Variants in CAMTA1 observed in about 807,000 individuals in gnomAD.
The protein encoded by CAMTA1 is calmodulin binding transcription activator 1, also known as calmodulin-binding transcription activator 1.
Under a neutral mutation model 170.9 loss-of-function variants are expected in CAMTA1, and 27 were observed. That is an observed-to-expected ratio of 0.16 (90% CI 0.12 to 0.22). The LOEUF (loss-of-function observed/expected upper bound fraction) is 0.22, where lower values mean the gene tolerates loss of function less well. CAMTA1 is among the 10% of genes least tolerant of loss of function. The pLI, the probability that CAMTA1 is intolerant of heterozygous loss-of-function variation, is 1.00. For missense variants in CAMTA1, 1,619 were observed against 2,217.2 expected, an observed-to-expected ratio of 0.73 and a Z score of 5.42; for synonymous variants, 833 against 891.5, an observed-to-expected ratio of 0.93 and a Z score of 1.17.
chr1:7,762,686 A>G (rs923500018), intron 22 of CAMTA1, among the ~76,000 whole-genome samples: 3 of 152,192 alleles, frequency 2.0e-5, no homozygotes, highest in Non-Finnish European at 2.9e-5. Flanking sequence ...TGGTCCATAA[A>G]TTGCAAATTG....
intron 4 of CAMTA1, among the ~76,000 whole-genome samples, chr1:7,171,990 T>C (rs1649714594): frequency 6.6e-6 from 1 of 152,236 alleles, no homozygotes; most frequent in South Asian, 2.1e-4. Context: ...CTGGACCACA[T>C]TTTGTTTATC....
At chr1:7,461,583 G>A (rs2093089254) in intron 5 of CAMTA1, among the ~76,000 whole-genome samples, 1 of 152,240 alleles carries the variant, frequency 6.6e-6, no homozygotes, top group African/African-American at 2.4e-5. Flanking sequence ...AAAGACACCT[G>A]TTGAGCAATG....
At chr1:6,908,242 C>T (rs1005981097) in intron 3 of CAMTA1, among the ~76,000 whole-genome samples, 5 of 152,222 alleles carry the variant, frequency 3.3e-5, no homozygotes, top group African/African-American at 1.2e-4. Context: ...GGTGCCAAGG[C>T]ACACGCAGAG....
intron 3 of CAMTA1, among the ~76,000 whole-genome samples, chr1:6,826,451 T>C (rs1647119284): frequency 6.6e-6 from 1 of 152,254 alleles, no homozygotes; most frequent in African/African-American, 2.4e-5. Flanking sequence ...GAAGTAGATA[T>C]GCTTAAAATT....
intron 3 of CAMTA1, among the ~76,000 whole-genome samples, chr1:7,079,178 T>G (rs950532056): frequency 6.6e-6 from 1 of 152,190 alleles, no homozygotes; most frequent in African/African-American, 2.4e-5. Flanking sequence ...GCAATAATAG[T>G]AGGGTAACAA....
intron 3 of CAMTA1, among the ~76,000 whole-genome samples, chr1:7,047,323 G>A (rs1217113943): frequency 6.6e-6 from 1 of 152,172 alleles, no homozygotes; most frequent in Non-Finnish European, 1.5e-5. Flanking sequence ...GAGAAGGAGG[G>A]TACTCCACAG....
chr1:7,447,847 G>T (rs2092718914), intron 5 of CAMTA1, among the ~76,000 whole-genome samples: 1 of 152,224 alleles, frequency 6.6e-6, no homozygotes, highest in Non-Finnish European at 1.5e-5. Context: ...GCTGAACAAG[G>T]TAGAAGCTCT....
chr1:6,937,786 C>CCATCAT (rs1222084140), intron 3 of CAMTA1, among the ~76,000 whole-genome samples: 1 of 100,438 alleles, frequency 1.0e-5, no homozygotes, highest in African/African-American at 3.5e-5. Context: ...CCACTTACCA[C>CCATCAT]CACCATCACC....
At chr1:7,162,205 C>T (rs1045924112) in intron 4 of CAMTA1, among the ~76,000 whole-genome samples, 1 of 152,034 alleles carries the variant, frequency 6.6e-6, no homozygotes, top group African/African-American at 2.4e-5. Flanking sequence ...GGGGCAAGAC[C>T]ATGTATGGTC....
At chr1:7,002,267 C>T (rs1050855624) in intron 3 of CAMTA1, among the ~76,000 whole-genome samples, 5 of 152,102 alleles carry the variant, frequency 3.3e-5, no homozygotes, top group Non-Finnish European at 5.9e-5. Flanking sequence ...TGTTTTGAAC[C>T]GAGGTGCAGT....
In CAMTA1 at chr1:6,809,174, C is replaced by T. The variant is rs189606836; in HGVS notation, c.46-11007C>T. On this transcript the variant is annotated intron_variant, in intron 1 of 22. Coordinates refer to ENST00000303635, the MANE Select transcript of CAMTA1 (RefSeq NM_015215.4). The stretch of plus-strand genomic sequence containing the variant: ...CCCGAGTAGCTGGGATTACAGGCAC[C>T]CACCACCATGCCTGGCTAATTTTCG... 3.3e-3 allele frequency among the ~76,000 whole-genome samples: 501 copies of T among 151,998 alleles called. 2 individuals carry two copies. Among genetic ancestry groups the T allele is most frequent in the Middle Eastern group, 6.8e-3 (2 of 294 alleles).
At chr1:7,638,894 C>T (rs77721445) in intron 6 of CAMTA1, among the ~76,000 whole-genome samples, 3,689 of 152,156 alleles carry the variant, frequency 0.024, 153 homozygotes, top group African/African-American at 0.084. Flanking sequence ...TATCTGAGCT[C>T]GGGGGGCAGA....
chr1:7,168,612 C>T (rs186161172), intron 4 of CAMTA1, among the ~76,000 whole-genome samples: 1 of 152,304 alleles, frequency 6.6e-6, no homozygotes, highest in East Asian at 1.9e-4. Context: ...CCATGTTGGC[C>T]AGGCTGGCCT....
intron 7 of CAMTA1, among the ~76,000 whole-genome samples, chr1:7,649,613 A>G (rs2095835178): frequency 6.6e-6 from 1 of 152,132 alleles, no homozygotes; most frequent in Admixed American, 6.5e-5. Flanking sequence ...TTTGTTTTGC[A>G]AATGTTGGTT....
Position 7,283,695 on chromosome 1 carries a change from G to A in CAMTA1, c.438+34069G>A, listed in dbSNP as rs143104929. On this transcript the variant is annotated intron_variant, in intron 5 of 22. Transcript: ENST00000303635. Reference sequence around the variant, plus strand: ...GGTAGTATTTCCTGATACCTTCTTAGCCCTCTATCACCCCCTTGTCCAAAT... The same window carrying A: ...GGTAGTATTTCCTGATACCTTCTTAACCCTCTATCACCCCCTTGTCCAAAT... 4.4e-3 allele frequency among the ~76,000 whole-genome samples: 675 copies of A among 152,278 alleles called. 8 individuals are homozygous for A. The highest frequency in any genetic ancestry group is 0.024 in the Admixed American group (368 of 15,292).
chr1:7,021,882 C>A (rs1701403296), intron 3 of CAMTA1, among the ~76,000 whole-genome samples: 1 of 152,300 alleles, frequency 6.6e-6, no homozygotes, highest in South Asian at 2.1e-4. Context: ...GGTTTGAGCA[C>A]TGGAAGATCA....
chr1:7,005,515 T>G lies in CAMTA1; in HGVS notation c.235-85789T>G, dbSNP rs187274066. Among the ~76,000 whole-genome samples, 320 of 152,356 alleles carry G rather than the reference T, an allele frequency of 2.1e-3. 2 individuals carry two copies. Among genetic ancestry groups the G allele is most frequent in the African/African-American group, 7.2e-3 (299 of 41,584 alleles). ...CTTTCAAGAAATACTTTCTGATCACTGTGGGCCTCTGTGGCAGGTGCTGAG... is the reference window on the plus strand; with the variant it reads ...CTTTCAAGAAATACTTTCTGATCACGGTGGGCCTCTGTGGCAGGTGCTGAG... On this transcript the variant is annotated intron_variant, in intron 3 of 22. Coordinates refer to ENST00000303635, the MANE Select transcript of CAMTA1 (RefSeq NM_015215.4).
chr1:6,836,666 G>A (rs1224908596), intron 3 of CAMTA1, among the ~76,000 whole-genome samples: 1 of 152,200 alleles, frequency 6.6e-6, no homozygotes, highest in Admixed American at 6.5e-5. Context: ...TAGCACCGAG[G>A]TGGATTCTGA....
In CAMTA1 at chr1:7,664,359, C is replaced by T. The variant is rs1392236901; in HGVS notation, c.1812C>T (p.His604=). ...DYTSSFSQTG[H]SPHIHQTPSP... ...CGTCCAGCTTCAGCCAGACGGGCCA[C>T]AGCCCCCACATCCACCAGACCCCCT... Residue 604 remains histidine, a synonymous_variant, in exon 9 of 23, where the codon CAC becomes CAT. Transcript: ENST00000303635. 5 of 1,613,708 alleles carry T rather than the reference C, an allele frequency of 3.1e-6. No individual in the cohort carries two copies. In the East Asian group the frequency reaches 8.9e-5, roughly 29 times the overall value.
Sources: allele counts gnomAD v4.1 joint callset (sites outside exome capture counted in the v4.1 genomes callset), GRCh38; gene constraint gnomAD v4.1.1; transcripts MANE v1.5; gene names NCBI Gene and HGNC (gene_info 2026-07-23, HGNC 2026-07-21).